Variants in USP20 observed in about 807,000 individuals in gnomAD.
USP20 encodes ubiquitin specific peptidase 20.
USP20 carries 80 observed loss-of-function variants against 124.2 expected under a neutral mutation model. That is an observed-to-expected ratio of 0.64 (90% CI 0.54 to 0.78). The LOEUF (loss-of-function observed/expected upper bound fraction) is 0.78, where lower values mean the gene tolerates loss of function less well. Among genes scored for constraint, USP20 ranks in the 30% least tolerant of loss-of-function variants. USP20 has a pLI of 0.00. For missense variants in USP20, 1,043 were observed against 1,244.4 expected, an observed-to-expected ratio of 0.84 and a Z score of 2.44; for synonymous variants, 481 against 512.3, an observed-to-expected ratio of 0.94 and a Z score of 0.83.
At chr9:129,864,341 C>T (rs1293520574) in intron 9 of USP20, among the ~76,000 whole-genome samples, 1 of 151,668 alleles carries the variant, frequency 6.6e-6, no homozygotes, top group Admixed American at 6.6e-5. Context: ...GGTGTGAGCA[C>T]TTGTGGTCCC....
rs375574662 is a variant in USP20 at position 129,869,332 on chromosome 9, C to T, written c.1299C>T (p.Ser433=). 3 of 1,613,550 alleles carry T rather than the reference C, an allele frequency of 1.9e-6. No homozygotes were observed. Among genetic ancestry groups the T allele is most frequent in the African/African-American group, 2.7e-5 (2 of 74,946 alleles). Residue 433 remains serine (S), a synonymous_variant, in exon 13 of 26, where the codon AGC becomes AGT. Transcript: ENST00000372429. The part of the protein sequence containing the change: ...LKKAQVLSAG[S]RRRKEQRYRS... ...CAGCCCAGGTATTGAGTGCTGGCAG[C>T]CGGAGGCGGAAGGAGCAGCGCTACC... is the stretch of plus-strand genomic sequence containing the variant.
At chr9:129,875,783 C>G in intron 21 of USP20, 142 bp downstream of exon 21, 1 of 760,020 alleles carries the variant, frequency 1.3e-6, no homozygotes, top group Non-Finnish European at 2.1e-6. Flanking sequence ...GCCGCCTTCA[C>G]TTGTCTCATG....
chr9:129,863,153 C>T, intron 8 of USP20, 33 bp from the exon 9 acceptor site: 1 of 1,493,838 alleles, frequency 6.7e-7, no homozygotes, highest in Non-Finnish European at 9.1e-7. Flanking sequence ...CTCATTTGCT[C>T]TCCTGACCTG....
chr9:129,852,511 A>C, intron 2 of USP20, 29 bp from the exon 3 acceptor site: 17 of 1,543,016 alleles, frequency 1.1e-5, no homozygotes, highest in Admixed American at 1.9e-5. Context: ...GGCTGCCATT[A>C]ACCCGGGATT....
intron 1 of USP20, among the ~76,000 whole-genome samples, chr9:129,840,741 A>AAAGC (rs1334016461): frequency 6.6e-6 from 1 of 151,630 alleles, no homozygotes; most frequent in Non-Finnish European, 1.5e-5. Context: ...ATACATAACC[A>AAAGC]AAGCGTGAGT....
At chr9:129,854,597 A>C (rs1166375034) in intron 3 of USP20, among the ~76,000 whole-genome samples, 1 of 152,188 alleles carries the variant, frequency 6.6e-6, no homozygotes, top group Non-Finnish European at 1.5e-5. Context: ...TGTCATCTGA[A>C]TTGTTATAGC....
At chr9:129,872,093 G>C (rs984021791) in intron 15 of USP20, among the ~76,000 whole-genome samples, 1 of 152,162 alleles carries the variant, frequency 6.6e-6, no homozygotes, top group Non-Finnish European at 1.5e-5. Context: ...CCATTTGTAA[G>C]TGTTTGGAAA....
intron 1 of USP20, among the ~76,000 whole-genome samples, chr9:129,843,970 G>T (rs2032387768): frequency 2.0e-5 from 3 of 151,566 alleles, no homozygotes; most frequent in Admixed American, 6.6e-5. Context: ...GGGGGGCTGA[G>T]GTAGGAGGAT....
At chr9:129,851,998 G>A (rs1032046381) in intron 2 of USP20, among the ~76,000 whole-genome samples, 4 of 146,688 alleles carry the variant, frequency 2.7e-5, no homozygotes, top group African/African-American at 5.3e-5. Context: ...ACCTCACTCC[G>A]CAGGGGGCTC....
intron 3 of USP20, 134 bp from the exon 4 acceptor site, chr9:129,856,173 G>T (rs2033205303): frequency 1.2e-6 from 1 of 850,502 alleles, no homozygotes; most frequent in East Asian, 2.4e-5. Flanking sequence ...CCTTTCTGGG[G>T]CCAGGGCTTG....
chr9:129,851,519 A>G (rs1229091351), intron 2 of USP20, among the ~76,000 whole-genome samples: 2 of 151,260 alleles, frequency 1.3e-5, no homozygotes, highest in East Asian at 1.9e-4. Flanking sequence ...GTAGGCACTC[A>G]TGTGTGTTCA....
rs370379471 is a variant in USP20, at chr9:129,861,631, C to T, written c.497+19C>T. ...CCAATTGGTAGGTCGACACTTTGTCCGAGGGCCGAGAGCTGTCCCTGGCAA... is the reference window on the plus strand; with the variant it reads ...CCAATTGGTAGGTCGACACTTTGTCTGAGGGCCGAGAGCTGTCCCTGGCAA... On this transcript the variant is annotated intron_variant, in intron 8 of 25. Transcript: ENST00000372429. 19 of 1,612,860 alleles carry T rather than the reference C, an allele frequency of 1.2e-5. No individual in the cohort carries two copies. The highest frequency in any genetic ancestry group is 1.6e-4 in the Middle Eastern group (1 of 6,078).
Position 129,875,619 on chromosome 9 carries a change from G to A in USP20, c.2278G>A (p.Val760Ile), listed in dbSNP as rs574441817. The change falls in exon 21 of 26, where the codon GTC becomes ATC. Residue 760 changes from valine to isoleucine, a missense_variant. Coordinates refer to ENST00000372429, the MANE Select transcript of USP20 (RefSeq NM_001110303.4). ...CCTGGTGGTCATCCTGCCCCAGAACGTCTGGGAGCACCTGTACAACAGGTG... is the reference window on the plus strand; with the variant it reads ...CCTGGTGGTCATCCTGCCCCAGAACATCTGGGAGCACCTGTACAACAGGTG... The part of the protein sequence containing the change: ...DDLVVILPQN[V>I]WEHLYNRFGG... 86 of 1,613,992 alleles carry A rather than the reference G, an allele frequency of 5.3e-5. No individual in the cohort carries two copies. The highest frequency in any genetic ancestry group is 1.3e-4 in the East Asian group (6 of 44,868).
rs757475294 is a variant in USP20 at position 129,878,426 on chromosome 9, A to G, written c.2498A>G (p.Lys833Arg). ...TTCCGGGAGTGGGAGGCGTTCGTCA[A>G]GGGGAAGGACAACGGTGAGCTGAGG... The part of the protein sequence containing the change: ...QWFREWEAFV[K>R]GKDNEPPGPI... The change falls in exon 23 of 26, where the codon AAG (lysine) becomes AGG (arginine). Residue 833 changes from lysine to arginine, a missense_variant. Transcript: ENST00000372429. The G allele has an allele frequency of 1.2e-5, 20 of 1,608,968 alleles. No individual in the cohort carries two copies. The highest frequency in any genetic ancestry group is 1.7e-4 in the Middle Eastern group (1 of 5,996).
chr9:129,859,285 A>ATTTTATTTTATTTTATTTTATTTATTT, intron 6 of USP20, among the ~76,000 whole-genome samples: 1 of 9,336 alleles, frequency 1.1e-4, no homozygotes, highest in Non-Finnish European at 3.2e-4. Flanking sequence ...TTTTATTTTA[A>ATTTTATTTTATTTTATTTTATTTATTT]TTTTTTGAGA....
At chr9:129,846,228 C>CATATATATAT (rs1159489842) in intron 1 of USP20, among the ~76,000 whole-genome samples, 5 of 59,424 alleles carry the variant, frequency 8.4e-5, no homozygotes, top group African/African-American at 3.8e-4. Context: ...TGCGCCCAGC[C>CATATATATAT]ATATATATAT....
intron 4 of USP20, among the ~76,000 whole-genome samples, chr9:129,857,822 C>T (rs374515320): frequency 2.0e-5 from 3 of 152,306 alleles, no homozygotes; most frequent in East Asian, 1.9e-4. Context: ...GCATACTGCT[C>T]GTCTCACTCA....
rs2033963942 is a variant in USP20 at position 129,868,842 on chromosome 9, G to A, written c.1136-20G>A. On this transcript the variant is annotated intron_variant, in intron 11 of 25. Transcript: ENST00000372429. ...TGGCCTGGCTGCCCTGGCCCAGCAT[G>A]GTACCCTCTCTGCCCCCAGAGCCGG... 1 of 1,535,866 alleles carries A rather than the reference G, an allele frequency of 6.5e-7. No homozygotes were observed. Among genetic ancestry groups the A allele is most frequent in the Admixed American group, 2.0e-5 (1 of 49,930 alleles).
chr9:129,869,365 C>CA lies in USP20; in HGVS notation c.1333dup (p.Ile445AsnfsTer6). 6.2e-7 allele frequency: 1 copy of CA among 1,613,736 alleles called. No homozygotes were observed. Among genetic ancestry groups the CA allele is most frequent in the Non-Finnish European group, 8.5e-7 (1 of 1,180,000 alleles). On this transcript the variant is annotated frameshift_variant, in exon 13 of 26. Coordinates refer to ENST00000372429, the MANE Select transcript of USP20 (RefSeq NM_001110303.4). LOFTEE classifies it high-confidence loss of function. ...GGAAGGAGCAGCGCTACCGCAGCGTCATCTCAGACATCTTTGACGGCTCCA... is the reference window on the plus strand; with the variant it reads ...GGAAGGAGCAGCGCTACCGCAGCGTCAATCTCAGACATCTTTGACGGCTCCA...
Sources: gnomAD v4.1 joint callset for allele counts (sites outside exome capture counted in the v4.1 genomes callset) on GRCh38, gnomAD v4.1.1 for gene constraint, MANE v1.5 for transcripts, NCBI Gene and HGNC (gene_info 2026-07-23, HGNC 2026-07-21) for gene names.